HIF3A: variants seen among roughly 807,000 people sequenced by gnomAD.
HIF3A encodes the protein hypoxia inducible factor 3 subunit alpha, also known as hypoxia-inducible factor 3-alpha.
Under a neutral mutation model 67.2 loss-of-function variants are expected in HIF3A, and 41 were observed. The observed-to-expected ratio is 0.61, with a 90% CI of 0.48 to 0.79. The LOEUF is 0.79. Ranked by LOEUF, HIF3A falls within the 30% of genes least tolerant of loss-of-function variation. The pLI, the probability that HIF3A is intolerant of heterozygous loss-of-function variation, is 0.00. For synonymous variants in HIF3A, 356 were observed against 374.8 expected (o/e 0.95, Z 0.58); for missense variants, 855 against 898.0 (o/e 0.95, Z 0.61).
chr19:46,313,873 T>C (rs1443210345), intron 8 of HIF3A, among the ~76,000 whole-genome samples: 1 of 151,474 alleles, frequency 6.6e-6, no homozygotes, highest in African/African-American at 2.4e-5. Context: ...GGTTGGCCGG[T>C]CTGGTCTCGA....
At chr19:46,330,405 AG>A (rs1971113194) in intron 12 of HIF3A, among the ~76,000 whole-genome samples, 1 of 152,032 alleles carries the variant, frequency 6.6e-6, no homozygotes, top group Admixed American at 6.6e-5. Context: ...GGTAGACAGA[AG>A]GATTGATGGA....
In HIF3A at chr19:46,303,952, C is replaced by T. The variant is rs1179032933; in HGVS notation, c.81C>T (p.Arg27=). The change falls in exon 2 of 15, where the codon CGC becomes CGT. Residue 27 remains arginine (R), a synonymous_variant. Transcript: ENST00000377670. ...EKSRDAARSR[R]SQETEVLYQL... is the part of the protein sequence containing the mutation. Reference sequence around the variant, plus strand: ...CCCGGGATGCGGCCCGCAGCCGGCGCAGCCAGGAGACCGAGGTGCTGTACC... The same window carrying T: ...CCCGGGATGCGGCCCGCAGCCGGCGTAGCCAGGAGACCGAGGTGCTGTACC... 6.2e-7 allele frequency: 1 copy of T among 1,606,902 alleles called. No individual in the cohort carries two copies. The highest frequency in any genetic ancestry group is 1.1e-5 in the South Asian group (1 of 89,600).
chr19:46,325,737 A>AATGG (rs1242457156), intron 11 of HIF3A, 98 bp downstream of exon 11: 12 of 775,350 alleles, frequency 1.5e-5, no homozygotes, highest in Non-Finnish European at 2.5e-5. Flanking sequence ...TAAAGGAATG[A>AATGG]ATGGATGGAT....
At chr19:46,321,665 ATCCTGACCTGCTGAAGATG>A (rs1300707439) in intron 9 of HIF3A, 92 bp from the exon 10 acceptor site, 32 of 959,726 alleles carry the variant, frequency 3.3e-5, no homozygotes, top group Non-Finnish European at 5.1e-5. Context: ...AACAGTGGCC[ATCCTGACCTGCTGAAGATG>A]TCAACTGTGT....
intron 13 of HIF3A, chr19:46,331,491 G>A (rs1448449507): frequency 7.1e-6 from 1 of 140,562 alleles, no homozygotes; most frequent in Non-Finnish European, 1.4e-5. Flanking sequence ...ACCCCAGCAT[G>A]AGCGACAGAA....
chr19:46,319,590 T>G (rs548630938), intron 8 of HIF3A, among the ~76,000 whole-genome samples: 6 of 152,340 alleles, frequency 3.9e-5, no homozygotes, highest in African/African-American at 1.4e-4. Flanking sequence ...ATCTTATTCA[T>G]AAAAATTACA....
At chr19:46,333,707 C>A (rs1267714303) in intron 13 of HIF3A, among the ~76,000 whole-genome samples, 1 of 151,830 alleles carries the variant, frequency 6.6e-6, no homozygotes, top group Non-Finnish European at 1.5e-5. Context: ...ACTACTGCAC[C>A]ATCTTGTCTT....
chr19:46,308,585 G>A, intron 4 of HIF3A, 78 bp from the exon 5 acceptor site: 5 of 852,026 alleles, frequency 5.9e-6, no homozygotes, highest in Non-Finnish European at 9.2e-6. Flanking sequence ...GGGGAGGCCT[G>A]AGCAGCCAGG....
Position 46,339,574 on chromosome 19 carries a change from G to A in HIF3A, c.1962G>A (p.Gln654=). Residue 654 remains glutamine, a synonymous_variant, in exon 15 of 15, where the codon CAG becomes CAA. Coordinates refer to ENST00000377670, the MANE Select transcript of HIF3A (RefSeq NM_152795.4). ...LSPYSDEDTT[Q]PGGPFQPRAG... is the part of the protein sequence containing the mutation. Reference sequence around the variant, plus strand: ...CGTACTCAGACGAGGACACTACCCAGCCCGGGGGCCCCTTCCAGCCAAGGG... The same window carrying A: ...CGTACTCAGACGAGGACACTACCCAACCCGGGGGCCCCTTCCAGCCAAGGG... 6.2e-7 allele frequency: 1 copy of A among 1,609,148 alleles called. No homozygotes were observed. The highest frequency in any genetic ancestry group is 8.5e-7 in the Non-Finnish European group (1 of 1,177,094).
rs750527286 is a variant in HIF3A, at chr19:46,325,639, G to C, written c.1440G>C (p.Gln480His). The change falls in exon 11 of 15, where the codon CAG (glutamine) becomes CAC (histidine). Residue 480 changes from glutamine (Q) to histidine (H), a missense_variant and splice_region_variant. Gln to His is a conservative substitution (Grantham distance 24). Transcript: ENST00000377670. ...EAVETDLDIA[Q>H]DADALDLEML... ...TGGAGACAGATTTAGATATAGCTCA[G>C]GTAAGGGCTGGCATGGAAGGGAGTA... The C allele has an allele frequency of 3.1e-6, 5 of 1,597,462 alleles. No individual in the cohort carries two copies. The highest frequency in any genetic ancestry group is 4.3e-6 in the Non-Finnish European group (5 of 1,165,632).
At chr19:46,300,180 G>A (rs1285908658) in intron 1 of HIF3A, among the ~76,000 whole-genome samples, 1 of 152,150 alleles carries the variant, frequency 6.6e-6, no homozygotes, top group Non-Finnish European at 1.5e-5. Flanking sequence ...ACACACCAAT[G>A]CTATCATTAT....
At chr19:46,333,329 G>T (rs1971372197) in intron 13 of HIF3A, among the ~76,000 whole-genome samples, 1 of 151,586 alleles carries the variant, frequency 6.6e-6, no homozygotes, top group African/African-American at 2.4e-5. Flanking sequence ...AGCAAGCCTG[G>T]TGCAGTACCT....
intron 13 of HIF3A, among the ~76,000 whole-genome samples, chr19:46,334,531 G>C (rs146568186): frequency 0.014 from 2,080 of 152,160 alleles, 36 homozygotes; most frequent in Non-Finnish European, 0.016. Context: ...CACTGCACTT[G>C]CCCTTATTTT....
chr19:46,321,852 C>G lies in HIF3A; in HGVS notation c.1221C>G (p.Arg407=), dbSNP rs768332812. 3 of 1,614,052 alleles carry G rather than the reference C, an allele frequency of 1.9e-6. No individual in the cohort carries two copies. Among genetic ancestry groups the G allele is most frequent in the Admixed American group, 3.3e-5 (2 of 60,022 alleles). The change falls in exon 10 of 15, where the codon CGC becomes CGG. Residue 407 remains arginine, a synonymous_variant. Transcript: ENST00000377670. ...AGGCTGCCCTGGCCGCTGACCCCCGCCGTTTCTGCAGCCCTGACCTCCGTC... is the reference window on the plus strand; with the variant it reads ...AGGCTGCCCTGGCCGCTGACCCCCGGCGTTTCTGCAGCCCTGACCTCCGTC... The part of the protein sequence containing the change: ...LSEAALAADP[R]RFCSPDLRRL...
intron 14 of HIF3A, among the ~76,000 whole-genome samples, chr19:46,335,289 G>A (rs1971531519): frequency 7.5e-6 from 1 of 133,986 alleles, no homozygotes; most frequent in Admixed American, 7.1e-5. Context: ...TATTTTTTGA[G>A]ATGAAGTCTC....
chr19:46,321,395 C>G (rs186712722), intron 9 of HIF3A, among the ~76,000 whole-genome samples: 1 of 152,086 alleles, frequency 6.6e-6, no homozygotes, highest in Non-Finnish European at 1.5e-5. Flanking sequence ...ATCAGCCTGG[C>G]CAACATGGTG....
chr19:46,329,776 G>A (rs780406140), intron 12 of HIF3A, among the ~76,000 whole-genome samples: 1 of 152,042 alleles, frequency 6.6e-6, no homozygotes, highest in Non-Finnish European at 1.5e-5. Context: ...TTTTGTCAGA[G>A]TTTAGAAGAC....
At chr19:46,320,327 C>T (rs935011538) in intron 8 of HIF3A, 116 bp from the exon 9 acceptor site, 5 of 742,874 alleles carry the variant, frequency 6.7e-6, no homozygotes, top group Non-Finnish European at 1.2e-5. Context: ...GCAAAATGCC[C>T]TCCAAGCCCC....
At chr19:46,308,528 CT>C in intron 4 of HIF3A, 134 bp from the exon 5 acceptor site, 2 of 648,998 alleles carry the variant, frequency 3.1e-6, no homozygotes, top group African/African-American at 1.8e-5. Flanking sequence ...CATACTACCC[CT>C]GGGGGACCCT....
Sources: allele counts gnomAD v4.1 joint callset (sites outside exome capture counted in the v4.1 genomes callset), GRCh38; gene constraint gnomAD v4.1.1; transcripts MANE v1.5; gene names NCBI Gene and HGNC (gene_info 2026-07-23, HGNC 2026-07-21).